PTPRS: variants seen among roughly 807,000 people sequenced by gnomAD.
The protein encoded by PTPRS is receptor-type tyrosine-protein phosphatase S.
Under a neutral mutation model 215.3 loss-of-function variants are expected in PTPRS, and 63 were observed. The observed-to-expected ratio is 0.29, with a 90% CI of 0.24 to 0.36. The LOEUF is 0.36. PTPRS is among the 10% of genes least tolerant of loss of function. The pLI is 1.00. For missense variants in PTPRS, 2,258 were observed against 2,825.8 expected (o/e 0.80, Z 4.56); for synonymous variants, 1,404 against 1,191.4 (o/e 1.18, Z -3.68).
At chr19:5,251,972 T>G (rs1164643104) in intron 9 of PTPRS, among the ~76,000 whole-genome samples, 2 of 129,840 alleles carry the variant, frequency 1.5e-5, no homozygotes, top group Non-Finnish European at 3.2e-5. Context: ...GTCCCTGTTT[T>G]GGGGGGCCAA....
At chr19:5,325,384 C>T (rs376127936) in intron 1 of PTPRS, among the ~76,000 whole-genome samples, 3 of 152,342 alleles carry the variant, frequency 2.0e-5, no homozygotes, top group East Asian at 3.9e-4. Context: ...GCTACGGAGT[C>T]GGGGGATATG....
At chr19:5,301,781 C>T (rs1447580413) in intron 1 of PTPRS, among the ~76,000 whole-genome samples, 1 of 151,892 alleles carries the variant, frequency 6.6e-6, no homozygotes, top group Admixed American at 6.6e-5. Flanking sequence ...GTCCCAATAC[C>T]CCCCATTGAT....
At chr19:5,260,723 G>C (rs2045922216) in intron 7 of PTPRS, 82 bp downstream of exon 7, 1 of 1,528,836 alleles carries the variant, frequency 6.5e-7, no homozygotes, top group Non-Finnish European at 9.1e-7. Context: ...AGGGGGCCTG[G>C]GGGCAGGCCC....
rs773679606 is a variant in PTPRS, at chr19:5,218,827, A to AG, written c.3924-30dup. On this transcript the variant is annotated intron_variant, in intron 23 of 37. Transcript: ENST00000262963. Reference sequence around the variant, plus strand: ...TTCCCGAAAGCAGACACAGGTGAGAAGGGGGAAAAAAAGAAGAAAGGTGAG... The same window carrying AG: ...TTCCCGAAAGCAGACACAGGTGAGAAGGGGGGAAAAAAAGAAGAAAGGTGAG... The AG allele has an allele frequency of 2.5e-5, 40 of 1,582,784 alleles. No homozygotes were observed. The African/African-American group carries it at 5.0e-4, about 20-fold the overall frequency.
At chr19:5,325,481 T>G (rs2050144096) in intron 1 of PTPRS, among the ~76,000 whole-genome samples, 1 of 151,650 alleles carries the variant, frequency 6.6e-6, no homozygotes, top group Non-Finnish European at 1.5e-5. Context: ...CTGAGACATT[T>G]TAACCTGGAA....
rs780815360 is a variant in PTPRS at position 5,273,366 on chromosome 19, T to C, written c.379+76A>G. 6.4e-5 allele frequency: 102 copies of C among 1,604,218 alleles called. No homozygotes were observed. In the Admixed American group the frequency reaches 1.7e-3, roughly 27 times the overall value. ...AAAGCAGGAGGGTTTGGGGTAACTT[T>C]CATGTATTCCTTTTGTGCTTGTCCC... On this transcript the variant is annotated intron_variant, in intron 4 of 37. Transcript: ENST00000262963.
In PTPRS at chr19:5,222,696, C is replaced by A; in HGVS notation, c.3096G>T (p.Arg1032=). The A allele has an allele frequency of 1.3e-6, 2 of 1,585,692 alleles. No individual in the cohort carries two copies. The highest frequency in any genetic ancestry group is 1.7e-6 in the Non-Finnish European group (2 of 1,172,256). The part of the protein sequence containing the change: ...SPPVRYRTFL[R]DQVSPKNFKV... Reference sequence around the variant, plus strand: ...GGGTCGCCGCGCGCCTACCTTGGTCCCGCAGGAACGTCCGGTAGCGGACGG... The same window carrying A: ...GGGTCGCCGCGCGCCTACCTTGGTCACGCAGGAACGTCCGGTAGCGGACGG... Residue 1032 remains arginine, a synonymous_variant, in exon 18 of 38, where the codon CGG becomes CGT. Transcript: ENST00000262963.
chr19:5,327,372 G>A (rs2050197818), intron 1 of PTPRS, among the ~76,000 whole-genome samples: 2 of 152,288 alleles, frequency 1.3e-5, no homozygotes, highest in South Asian at 2.1e-4. Context: ...TTCTACCCAA[G>A]AGACAGCCTC....
At chr19:5,296,101 C>T (rs1226572485) in intron 1 of PTPRS, among the ~76,000 whole-genome samples, 1 of 152,164 alleles carries the variant, frequency 6.6e-6, no homozygotes, top group East Asian at 1.9e-4. Context: ...AGCCCCGATG[C>T]CAGGCACAAT....
chr19:5,285,853 T>C (rs941201647), intron 2 of PTPRS, among the ~76,000 whole-genome samples, 197 bp downstream of exon 2: 11 of 152,222 alleles, frequency 7.2e-5, no homozygotes, highest in African/African-American at 2.4e-4. Flanking sequence ...ACCAGCATTA[T>C]TATTTATCTC....
intron 1 of PTPRS, among the ~76,000 whole-genome samples, chr19:5,315,351 GTTTTTTTTTT>G (rs952833168): frequency 1.1e-4 from 9 of 79,798 alleles, no homozygotes; most frequent in East Asian, 4.0e-4. Context: ...TTTGAAAAGG[GTTTTTTTTTT>G]TTTTTTTTTT....
chr19:5,279,395 CA>C (rs2047666442), intron 2 of PTPRS, among the ~76,000 whole-genome samples: 1 of 151,240 alleles, frequency 6.6e-6, no homozygotes, highest in Non-Finnish European at 1.5e-5. Context: ...TTTACAGAGA[CA>C]GGGTCTCACT....
At chr19:5,303,022 A>G (rs2049353957) in intron 1 of PTPRS, among the ~76,000 whole-genome samples, 1 of 152,044 alleles carries the variant, frequency 6.6e-6, no homozygotes, top group Admixed American at 6.6e-5. Context: ...GTGAGCCGAG[A>G]TGGCACCACT....
At chr19:5,232,510 A>C (rs74969902) in intron 13 of PTPRS, among the ~76,000 whole-genome samples, 3 of 147,740 alleles carry the variant, frequency 2.0e-5, no homozygotes, top group African/African-American at 7.5e-5. Context: ...CCATTTATTA[A>C]GCACTTATTA....
intron 2 of PTPRS, among the ~76,000 whole-genome samples, chr19:5,283,150 C>A: frequency 6.6e-6 from 1 of 152,330 alleles, no homozygotes; most frequent in South Asian, 2.1e-4. Flanking sequence ...GGTGACCCAC[C>A]CACCCTGTCC....
chr19:5,245,442 C>T (rs1275251073), intron 10 of PTPRS, among the ~76,000 whole-genome samples: 1 of 152,114 alleles, frequency 6.6e-6, no homozygotes, highest in African/African-American at 2.4e-5. Flanking sequence ...GCATGCACCA[C>T]TGCACTTGGC....
In PTPRS at chr19:5,306,530, C is replaced by T. The variant is rs570830874; in HGVS notation, c.-94-20296G>A. On this transcript the variant is annotated intron_variant, in intron 1 of 37. Coordinates refer to ENST00000262963, the MANE Select transcript of PTPRS (RefSeq NM_002850.4). ...ACATGACTTGTAACTACTGAGCACA[C>T]GCAGCCCAGGCCTCTTCTCGCCTGT... is the stretch of plus-strand genomic sequence containing the variant. Among the ~76,000 whole-genome samples the T allele has an allele frequency of 1.2e-4, 19 of 152,248 alleles. 1 individual carries two copies. The highest frequency in any genetic ancestry group is 3.3e-4 in the Admixed American group (5 of 15,290).
At position 5,208,074 on chromosome 19, in the gene PTPRS, G is replaced by C; in HGVS notation, c.5643-17C>G. Reference sequence around the variant, plus strand: ...ACGCCGGCACTGGTGGCAGTAAAGTGAGCACAGCCATTCAGGGGCAGGTGC... The same window carrying C: ...ACGCCGGCACTGGTGGCAGTAAAGTCAGCACAGCCATTCAGGGGCAGGTGC... On this transcript the variant is annotated splice_polypyrimidine_tract_variant and intron_variant, in intron 36 of 37. Coordinates refer to ENST00000262963, the MANE Select transcript of PTPRS (RefSeq NM_002850.4). 6.2e-7 allele frequency: 1 copy of C among 1,606,540 alleles called. No homozygotes were observed. Among genetic ancestry groups the C allele is most frequent in the Non-Finnish European group, 8.5e-7 (1 of 1,175,030 alleles).
intron 8 of PTPRS, among the ~76,000 whole-genome samples, chr19:5,256,763 T>C (rs1220361784): frequency 2.0e-5 from 3 of 151,872 alleles, no homozygotes; most frequent in Non-Finnish European, 4.4e-5. Flanking sequence ...TCCCCCTCCA[T>C]GCGACCTCCT....
Sources: gnomAD v4.1 joint callset for allele counts (sites outside exome capture counted in the v4.1 genomes callset) on GRCh38, gnomAD v4.1.1 for gene constraint, MANE v1.5 for transcripts, NCBI Gene and HGNC (gene_info 2026-07-23, HGNC 2026-07-21) for gene names.